The following PPP6R3 variants were observed in gnomAD, a reference collection of about 807,000 sequenced individuals.
PPP6R3 encodes protein phosphatase 6 regulatory subunit 3, also known as serine/threonine-protein phosphatase 6 regulatory subunit 3.
PPP6R3 carries 38 observed loss-of-function variants against 110.7 expected under a neutral mutation model. The ratio of observed to expected loss-of-function variants is 0.34; its 90% CI spans 0.26 to 0.45. The LOEUF is 0.45. PPP6R3 is among the 20% of genes least tolerant of loss of function. PPP6R3 has a pLI of 1.00. For missense variants in PPP6R3, 870 were observed against 1,062.4 expected (o/e 0.82, Z 2.52); for synonymous variants, 369 against 373.5 (o/e 0.99, Z 0.14).
intron 22 of PPP6R3, among the ~76,000 whole-genome samples, chr11:68,608,588 G>A (rs748536194): frequency 1.1e-4 from 17 of 152,198 alleles, no homozygotes; most frequent in African/African-American, 3.1e-4. Flanking sequence ...GCCAGGGGCC[G>A]TGGACAGTGA....
chr11:68,463,765 T>C (rs917023386), intron 1 of PPP6R3, among the ~76,000 whole-genome samples: 2 of 152,214 alleles, frequency 1.3e-5, no homozygotes, highest in Non-Finnish European at 2.9e-5. Context: ...TAACTTCAAA[T>C]GATTGTCTTT....
intron 8 of PPP6R3, among the ~76,000 whole-genome samples, chr11:68,558,911 T>C (rs2099409071): frequency 1.3e-5 from 2 of 152,250 alleles, no homozygotes; most frequent in Non-Finnish European, 2.9e-5. Context: ...TCTAGTCATA[T>C]ATTTTTTTGG....
intron 1 of PPP6R3, among the ~76,000 whole-genome samples, chr11:68,503,143 C>G (rs969661466): frequency 6.6e-6 from 1 of 152,104 alleles, no homozygotes; most frequent in Non-Finnish European, 1.5e-5. Flanking sequence ...CAGGTTTCAC[C>G]ATATTGGACA....
At chr11:68,479,561 A>G (rs1446696664) in intron 1 of PPP6R3, among the ~76,000 whole-genome samples, 2 of 151,840 alleles carry the variant, frequency 1.3e-5, no homozygotes, top group African/African-American at 4.8e-5. Flanking sequence ...TTCTTTTTCC[A>G]TTGCTGGTAT....
At chr11:68,563,625 C>T (rs1317199230) in intron 8 of PPP6R3, among the ~76,000 whole-genome samples, 1 of 152,220 alleles carries the variant, frequency 6.6e-6, no homozygotes, top group African/African-American at 2.4e-5. Flanking sequence ...AGACAGTACT[C>T]AGTGCAGTAT....
At chr11:68,594,007 G>A (rs1296295333) in intron 18 of PPP6R3, among the ~76,000 whole-genome samples, 1 of 152,034 alleles carries the variant, frequency 6.6e-6, no homozygotes. Context: ...CCTAATTAAT[G>A]CTGCCTATGG....
chr11:68,602,266 G>A (rs571660199), intron 21 of PPP6R3, among the ~76,000 whole-genome samples: 38 of 152,304 alleles, frequency 2.5e-4, no homozygotes, highest in Non-Finnish European at 5.1e-4. Flanking sequence ...GGAATTAGAC[G>A]TGTGCAGCCA....
At chr11:68,471,451 G>A (rs528137762) in intron 1 of PPP6R3, among the ~76,000 whole-genome samples, 1 of 152,180 alleles carries the variant, frequency 6.6e-6, no homozygotes, top group African/African-American at 2.4e-5. Flanking sequence ...AGGATGGAGC[G>A]GGGACCTCTG....
chr11:68,530,789 A>G (rs1430615158), intron 2 of PPP6R3, among the ~76,000 whole-genome samples: 1 of 152,212 alleles, frequency 6.6e-6, no homozygotes, highest in African/African-American at 2.4e-5. Flanking sequence ...AGTCCTGGGT[A>G]CAGTTATTTC....
At chr11:68,607,726 T>C (rs1178284105) in intron 22 of PPP6R3, among the ~76,000 whole-genome samples, 1 of 152,184 alleles carries the variant, frequency 6.6e-6, no homozygotes, top group Non-Finnish European at 1.5e-5. Context: ...TATCTATCTA[T>C]CTGTCTGTCT....
rs190860271 is a variant in PPP6R3, at chr11:68,461,256, G to C, written c.-158+429G>C. Among the ~76,000 whole-genome samples the C allele has an allele frequency of 0.01, 1,558 of 151,970 alleles. 47 individuals are homozygous for C. The East Asian group carries it at 0.1, about 10-fold the overall frequency. On this transcript the variant is annotated intron_variant, in intron 1 of 23. Coordinates refer to ENST00000393800, the MANE Select transcript of PPP6R3 (RefSeq NM_001164161.2). Reference sequence around the variant, plus strand: ...TCCCGCTGGGCCTCCCGGGGGCCTCGGGGAGCGCGTCAAGTTGAGGCAGCA... The same window carrying C: ...TCCCGCTGGGCCTCCCGGGGGCCTCCGGGAGCGCGTCAAGTTGAGGCAGCA...
chr11:68,583,009 T>C (rs752155130), intron 14 of PPP6R3, 34 bp from the exon 15 acceptor site: 60 of 1,382,164 alleles, frequency 4.3e-5, no homozygotes, highest in Non-Finnish European at 5.4e-5. Flanking sequence ...AACTTTTCTA[T>C]GTTAAATAGT....
At chr11:68,605,405 TTG>T in intron 22 of PPP6R3, among the ~76,000 whole-genome samples, 1 of 152,318 alleles carries the variant, frequency 6.6e-6, no homozygotes, top group South Asian at 2.1e-4. Context: ...CTACATGAAC[TTG>T]TTACATGTTA....
chr11:68,464,755 A>G (rs554459233), intron 1 of PPP6R3, among the ~76,000 whole-genome samples: 1 of 152,326 alleles, frequency 6.6e-6, no homozygotes, highest in South Asian at 2.1e-4. Context: ...AAACTAAGCA[A>G]AATTCTTAGA....
chr11:68,564,785 T>C (rs903105369), intron 9 of PPP6R3, among the ~76,000 whole-genome samples: 5 of 152,174 alleles, frequency 3.3e-5, no homozygotes, highest in Non-Finnish European at 7.4e-5. Flanking sequence ...TTACTCAGAG[T>C]TGGAGCAGTG....
intron 1 of PPP6R3, among the ~76,000 whole-genome samples, chr11:68,499,436 G>T (rs1326316254): frequency 6.6e-6 from 1 of 152,174 alleles, no homozygotes; most frequent in Admixed American, 6.5e-5. Context: ...TCAGGACATG[G>T]TGATAACTTC....
At chr11:68,574,820 G>C (rs944880592) in intron 13 of PPP6R3, among the ~76,000 whole-genome samples, 1 of 152,148 alleles carries the variant, frequency 6.6e-6, no homozygotes, top group African/African-American at 2.4e-5. Flanking sequence ...TAAAATGAGA[G>C]AACTGTGTAC....
chr11:68,611,001 CTTTGTT>C (rs1286956621), intron 23 of PPP6R3, among the ~76,000 whole-genome samples: 1 of 152,096 alleles, frequency 6.6e-6, no homozygotes, highest in Non-Finnish European at 1.5e-5. Context: ...AAAATAAAGC[CTTTGTT>C]TTTGTGATTA....
At chr11:68,550,588 G>A (rs956614083) in intron 5 of PPP6R3, among the ~76,000 whole-genome samples, 4 of 152,144 alleles carry the variant, frequency 2.6e-5, no homozygotes, top group Non-Finnish European at 2.9e-5. Flanking sequence ...ATGACAGGGC[G>A]GAAAAACTCT....
Sources: gnomAD v4.1 joint callset for allele counts (sites outside exome capture counted in the v4.1 genomes callset) on GRCh38, gnomAD v4.1.1 for gene constraint, MANE v1.5 for transcripts, NCBI Gene and HGNC (gene_info 2026-07-23, HGNC 2026-07-21) for gene names.